WDR70: variants seen among roughly 807,000 people sequenced by gnomAD.
WDR70 encodes the protein WD repeat domain 70, also known as WD repeat-containing protein 70.
WDR70 carries 53 observed loss-of-function variants against 88.6 expected under a neutral mutation model. That is an observed-to-expected ratio of 0.60 (90% CI 0.48 to 0.75). The LOEUF is 0.75. WDR70 is among the 30% of genes least tolerant of loss of function. WDR70 has a pLI of 0.00. For missense variants in WDR70, 610 were observed against 823.2 expected, an observed-to-expected ratio of 0.74 and a Z score of 3.17; for synonymous variants, 280 against 270.0, an observed-to-expected ratio of 1.04 and a Z score of -0.36.
chr5:37,703,907 C>G (rs1747241104), intron 13 of WDR70, among the ~76,000 whole-genome samples: 1 of 152,132 alleles, frequency 6.6e-6, no homozygotes, highest in South Asian at 2.1e-4. Flanking sequence ...AAACAGTGCT[C>G]TTATGTAGGT....
At chr5:37,420,904 T>C (rs1338653816) in intron 5 of WDR70, among the ~76,000 whole-genome samples, 2 of 152,114 alleles carry the variant, frequency 1.3e-5, no homozygotes, top group African/African-American at 4.8e-5. Context: ...AGAGTAAGAC[T>C]CTGTCTCAAA....
intron 10 of WDR70, among the ~76,000 whole-genome samples, chr5:37,618,073 A>G (rs1744395234): frequency 6.6e-6 from 1 of 152,230 alleles, no homozygotes; most frequent in African/African-American, 2.4e-5. Context: ...TCTGGTAAAC[A>G]TGGCAGAAAT....
At chr5:37,554,116 T>C (rs1447426856) in intron 9 of WDR70, among the ~76,000 whole-genome samples, 1 of 151,992 alleles carries the variant, frequency 6.6e-6, no homozygotes, top group East Asian at 1.9e-4. Flanking sequence ...TCCTTTTTTT[T>C]TTTTTTTTTT....
At chr5:37,587,623 A>G (rs1252482659) in intron 9 of WDR70, among the ~76,000 whole-genome samples, 1 of 152,036 alleles carries the variant, frequency 6.6e-6, no homozygotes, top group Non-Finnish European at 1.5e-5. Flanking sequence ...GCATTTTTGG[A>G]GAAAAGACAC....
chr5:37,647,231 C>G (rs1450184980), intron 10 of WDR70, among the ~76,000 whole-genome samples: 3 of 152,148 alleles, frequency 2.0e-5, no homozygotes, highest in Non-Finnish European at 4.4e-5. Context: ...TTATCTCAAT[C>G]TGATTGTTAA....
chr5:37,734,109 G>T (rs870100), intron 17 of WDR70, among the ~76,000 whole-genome samples: 2 of 151,700 alleles, frequency 1.3e-5, no homozygotes, highest in African/African-American at 4.8e-5. Context: ...TTATATGCAA[G>T]TAGTAAGTGT....
Position 37,396,505 on chromosome 5 carries a change from C to T in WDR70, c.427C>T (p.Pro143Ser). 2 of 1,613,800 alleles carry T rather than the reference C, an allele frequency of 1.2e-6. No individual in the cohort carries two copies. Among genetic ancestry groups the T allele is most frequent in the Non-Finnish European group, 1.7e-6 (2 of 1,179,982 alleles). The change falls in exon 5 of 18, where the codon CCT becomes TCT. Residue 143 changes from proline (P) to serine (S), a missense_variant. By Grantham distance (74) the Pro-to-Ser change is moderately conservative (BLOSUM62 -1). Around this residue, in one of 4 missense-constraint regions of WDR70, gnomAD observed 203 missense variants for 228.1 expected, o/e 0.89. Transcript: ENST00000265107. ...FMEEDILGPL[P>S]PPLNEEEEEA... ...GGAGGAAGATATCCTCGGTCCTTTA[C>T]CTCCACCTCTTAATGAAGAAGAAGA...
intron 5 of WDR70, among the ~76,000 whole-genome samples, chr5:37,416,650 G>A (rs1036070905): frequency 2.6e-5 from 4 of 151,574 alleles, no homozygotes; most frequent in African/African-American, 7.3e-5. Flanking sequence ...GGTGATATCG[G>A]CTCACTGCAA....
intron 7 of WDR70, among the ~76,000 whole-genome samples, chr5:37,477,489 G>A (rs1391544703): frequency 6.6e-6 from 1 of 152,106 alleles, no homozygotes; most frequent in African/African-American, 2.4e-5. Flanking sequence ...CACCATAGTT[G>A]GCAGGTTGGA....
chr5:37,698,619 A>G (rs368254997), intron 11 of WDR70, among the ~76,000 whole-genome samples: 5 of 152,174 alleles, frequency 3.3e-5, no homozygotes, highest in African/African-American at 9.6e-5. Flanking sequence ...ATCTACTATG[A>G]GCTAACATTA....
intron 7 of WDR70, among the ~76,000 whole-genome samples, chr5:37,454,419 A>T (rs981576936): frequency 1.3e-5 from 2 of 152,204 alleles, no homozygotes; most frequent in African/African-American, 4.8e-5. Context: ...ATTGCCACTG[A>T]GAAATTTCCA....
intron 9 of WDR70, among the ~76,000 whole-genome samples, chr5:37,584,208 A>G (rs570918282): frequency 6.6e-6 from 1 of 152,352 alleles, no homozygotes; most frequent in East Asian, 1.9e-4. Context: ...ATACTTCATT[A>G]TGTGTACTTA....
chr5:37,406,065 A>G (rs1394170803), intron 5 of WDR70, among the ~76,000 whole-genome samples: 2 of 152,162 alleles, frequency 1.3e-5, no homozygotes, highest in African/African-American at 4.8e-5. Context: ...GGATTTAATG[A>G]AGTGAAATGC....
chr5:37,399,970 T>A (rs939324935), intron 5 of WDR70, among the ~76,000 whole-genome samples: 3 of 152,214 alleles, frequency 2.0e-5, no homozygotes, highest in Middle Eastern at 3.2e-3. Flanking sequence ...TCTCACTCTG[T>A]TGCCCAGGCT....
At chr5:37,733,580 T>A (rs189538083) in intron 17 of WDR70, among the ~76,000 whole-genome samples, 18 of 152,198 alleles carry the variant, frequency 1.2e-4, no homozygotes, top group Admixed American at 1.0e-3. Flanking sequence ...GTTCTGTCAA[T>A]TGGTCTGGCT....
chr5:37,656,092 C>T (rs528403540), intron 10 of WDR70, among the ~76,000 whole-genome samples: 1 of 151,868 alleles, frequency 6.6e-6, no homozygotes, highest in African/African-American at 2.4e-5. Context: ...TACCTTTGGT[C>T]TTTGATGCTG....
intron 9 of WDR70, among the ~76,000 whole-genome samples, chr5:37,526,071 C>A (rs551925555): frequency 6.6e-6 from 1 of 152,166 alleles, no homozygotes; most frequent in Non-Finnish European, 1.5e-5. Flanking sequence ...GGAGCTGGTA[C>A]CATTCCTTCT....
intron 5 of WDR70, among the ~76,000 whole-genome samples, chr5:37,416,104 G>A (rs1454897974): frequency 3.3e-5 from 5 of 152,092 alleles, no homozygotes; most frequent in Admixed American, 6.5e-5. Flanking sequence ...CTTCCCAGAC[G>A]GGGTGGCGGC....
chr5:37,584,840 T>C (rs1398159785), intron 9 of WDR70, among the ~76,000 whole-genome samples: 1 of 151,812 alleles, frequency 6.6e-6, no homozygotes, highest in Non-Finnish European at 1.5e-5. Flanking sequence ...CTTGGTCCTA[T>C]GCTGACCACC....
Sources: gnomAD v4.1 joint callset for allele counts (sites outside exome capture counted in the v4.1 genomes callset) on GRCh38, gnomAD v4.1.1 for gene constraint, gnomAD v4.1.1 regional missense constraint, MANE v1.5 for transcripts, NCBI Gene and HGNC (gene_info 2026-07-23, HGNC 2026-07-21) for gene names.